PAPPA2: variants seen among roughly 807,000 people sequenced by gnomAD.
The protein encoded by PAPPA2 is pappalysin 2, also known as pappalysin-2.
PAPPA2 carries 86 observed loss-of-function variants against 176.4 expected under a neutral mutation model. The ratio of observed to expected loss-of-function variants is 0.49; its 90% CI spans 0.41 to 0.58. The LOEUF is 0.58. Among genes scored for constraint, PAPPA2 ranks in the 20% least tolerant of loss-of-function variants. PAPPA2 has a pLI of 0.00. For missense variants in PAPPA2, 2,073 were observed against 2,256.9 expected, an observed-to-expected ratio of 0.92 and a Z score of 1.65; for synonymous variants, 809 against 852.2, an observed-to-expected ratio of 0.95 and a Z score of 0.88.
chr1:176,725,560 A>G (rs1310533262), intron 12 of PAPPA2, among the ~76,000 whole-genome samples: 1 of 152,222 alleles, frequency 6.6e-6, no homozygotes, highest in Non-Finnish European at 1.5e-5. Flanking sequence ...GTTGTAAGTC[A>G]TGTGCTACAG....
intron 1 of PAPPA2, among the ~76,000 whole-genome samples, chr1:176,552,490 C>T (rs1241112391): frequency 6.6e-6 from 1 of 151,484 alleles, no homozygotes; most frequent in Non-Finnish European, 1.5e-5. Flanking sequence ...TCGCTTTCCT[C>T]TTTTCCCTTT....
chr1:176,634,902 A>C (rs1177081979), intron 3 of PAPPA2, among the ~76,000 whole-genome samples: 1 of 141,244 alleles, frequency 7.1e-6, no homozygotes, highest in Admixed American at 6.9e-5. Flanking sequence ...AGATAGACAC[A>C]TAGATACATG....
intron 21 of PAPPA2, among the ~76,000 whole-genome samples, chr1:176,822,396 G>A (rs1189754915): frequency 6.6e-6 from 1 of 152,024 alleles, no homozygotes; most frequent in African/African-American, 2.4e-5. Context: ...AATATAGGGG[G>A]CCCAAAGGTC....
chr1:176,749,849 T>C (rs957978423), intron 14 of PAPPA2, among the ~76,000 whole-genome samples: 3 of 152,226 alleles, frequency 2.0e-5, no homozygotes, highest in African/African-American at 7.2e-5. Flanking sequence ...TATGTGAATG[T>C]ACAACCGTTT....
chr1:176,517,083 T>C (rs1023211380), intron 1 of PAPPA2, among the ~76,000 whole-genome samples: 8 of 152,174 alleles, frequency 5.3e-5, no homozygotes, highest in African/African-American at 1.4e-4. Flanking sequence ...TCCTACCATA[T>C]TTATAGAGAC....
At chr1:176,678,581 C>T (rs991058386) in intron 4 of PAPPA2, among the ~76,000 whole-genome samples, 3 of 151,860 alleles carry the variant, frequency 2.0e-5, no homozygotes, top group Admixed American at 1.3e-4. Context: ...AATGTTTTTC[C>T]TTTACTATCT....
chr1:176,501,833 A>C (rs748348113), intron 1 of PAPPA2, among the ~76,000 whole-genome samples: 2 of 152,148 alleles, frequency 1.3e-5, no homozygotes, highest in Non-Finnish European at 2.9e-5. Context: ...CTTCCATCAC[A>C]GCGAGTCACC....
chr1:176,593,753 A>G (rs1244612350), intron 2 of PAPPA2, among the ~76,000 whole-genome samples: 1 of 152,218 alleles, frequency 6.6e-6, no homozygotes, highest in Admixed American at 6.5e-5. Flanking sequence ...CAAGGCAGGT[A>G]GTGTATGATA....
rs201943015 is a variant in PAPPA2, at chr1:176,595,187, A to T, written c.1583A>T (p.Gln528Leu). Residue 528 changes from glutamine (Q) to leucine (L), a missense_variant, in exon 3 of 23, where the codon CAG (glutamine) becomes CTG (leucine). Physicochemically the swap from Gln to Leu is moderately radical, Grantham distance 113 (BLOSUM62 -2). Coordinates refer to ENST00000367662, the MANE Select transcript of PAPPA2 (RefSeq NM_020318.3). ...CGGGGAGAGAAGGTGATACGCTACC[A>T]GGTGGTGAACATCTGTGATGATGAG... ...PLRGEKVIRY[Q>L]VVNICDDEGL... is the part of the protein sequence containing the mutation. 100 of 1,614,076 alleles carry T rather than the reference A, an allele frequency of 6.2e-5. No individual in the cohort carries two copies. Among genetic ancestry groups the T allele is most frequent in the Non-Finnish European group, 8.0e-5 (94 of 1,180,046 alleles).
chr1:176,501,699 AAGAGTG>A (rs1647972444), intron 1 of PAPPA2, among the ~76,000 whole-genome samples: 1 of 152,178 alleles, frequency 6.6e-6, no homozygotes, highest in South Asian at 2.1e-4. Context: ...ATAGTCAGAG[AAGAGTG>A]ATTGCTTCCT....
chr1:176,556,720 G>A lies in PAPPA2; in HGVS notation c.398G>A (p.Ser133Asn). The stretch of plus-strand genomic sequence containing the variant: ...CCGGCTGCCCCATGGGTAGGGGATA[G>A]TCCTATTGGGCAATCTGAGCTGCTG... ...EEPAAPWVGD[S>N]PIGQSELLGD... is the part of the protein sequence containing the mutation. The change falls in exon 2 of 23, where the codon AGT becomes AAT. Residue 133 changes from serine to asparagine, a missense_variant. Coordinates refer to ENST00000367662, the MANE Select transcript of PAPPA2 (RefSeq NM_020318.3). The A allele has an allele frequency of 6.2e-7, 1 of 1,614,108 alleles. No homozygotes were observed. Among genetic ancestry groups the A allele is most frequent in the East Asian group, 2.2e-5 (1 of 44,874 alleles).
intron 2 of PAPPA2, among the ~76,000 whole-genome samples, chr1:176,589,864 G>A (rs1653549089): frequency 6.6e-6 from 1 of 152,148 alleles, no homozygotes. Flanking sequence ...TGCTAGACTG[G>A]GAAGAAAAAG....
chr1:176,729,612 G>A (rs138616638), intron 12 of PAPPA2, among the ~76,000 whole-genome samples: 16 of 152,076 alleles, frequency 1.1e-4, no homozygotes, highest in Middle Eastern at 6.8e-3. Flanking sequence ...ATCGCAATTA[G>A]AAGAACTAGA....
At chr1:176,545,764 T>C (rs1001577466) in intron 1 of PAPPA2, among the ~76,000 whole-genome samples, 1 of 152,168 alleles carries the variant, frequency 6.6e-6, no homozygotes, top group Non-Finnish European at 1.5e-5. Context: ...TAGCCTTCTT[T>C]TAGCTAGGAT....
At chr1:176,750,108 C>A (rs1203917908) in intron 14 of PAPPA2, among the ~76,000 whole-genome samples, 1 of 152,126 alleles carries the variant, frequency 6.6e-6, no homozygotes, top group African/African-American at 2.4e-5. Context: ...ATCCTCAGAT[C>A]TTTTTCCTCT....
chr1:176,482,318 G>C (rs1277448446), intron 1 of PAPPA2, among the ~76,000 whole-genome samples: 1 of 152,206 alleles, frequency 6.6e-6, no homozygotes, highest in Non-Finnish European at 1.5e-5. Context: ...TATTAGAGGA[G>C]AGTTTGATAT....
chr1:176,584,448 G>T, intron 2 of PAPPA2, among the ~76,000 whole-genome samples: 1 of 151,460 alleles, frequency 6.6e-6, no homozygotes, highest in East Asian at 1.9e-4. Context: ...TTGTATGTAA[G>T]TATAGCTTCT....
intron 3 of PAPPA2, among the ~76,000 whole-genome samples, chr1:176,607,404 C>G (rs568990934): frequency 6.6e-6 from 1 of 152,220 alleles, no homozygotes; most frequent in Non-Finnish European, 1.5e-5. Flanking sequence ...TCATTCTACT[C>G]TCTACCTTTG....
intron 1 of PAPPA2, among the ~76,000 whole-genome samples, chr1:176,554,335 T>C (rs1651143206): frequency 6.6e-6 from 1 of 152,168 alleles, no homozygotes. Flanking sequence ...ATTTTTCTTA[T>C]TATGTGAATG....
Sources: gnomAD v4.1 joint callset for allele counts (sites outside exome capture counted in the v4.1 genomes callset) on GRCh38, gnomAD v4.1.1 for gene constraint, MANE v1.5 for transcripts, NCBI Gene and HGNC (gene_info 2026-07-23, HGNC 2026-07-21) for gene names.